Variants in CLEC2D observed in about 807,000 individuals in gnomAD.
The protein encoded by CLEC2D is C-type lectin domain family 2 member D, also known as C-type lectin related f.
A neutral mutation model predicts 20.0 loss-of-function variants in CLEC2D; 16 were observed. The observed-to-expected ratio is 0.80, with a 90% CI of 0.54 to 1.22. CLEC2D has a LOEUF of 1.22. Among genes scored for constraint, CLEC2D ranks in the 50% most tolerant of loss-of-function variants. CLEC2D has a pLI of 0.00. For missense variants in CLEC2D, 207 were observed against 221.5 expected, an observed-to-expected ratio of 0.93 and a Z score of 0.42; for synonymous variants, 77 against 71.1, an observed-to-expected ratio of 1.08 and a Z score of -0.42.
At position 9,693,303 on chromosome 12, in the gene CLEC2D, G is replaced by T. The variant is rs1293307651; in HGVS notation, c.461+372G>T. On this transcript the variant is annotated intron_variant, in intron 4 of 4. Transcript: ENST00000290855. Reference sequence around the variant, plus strand: ...CAGAGGTTTTGATGTATCAGGGAAAGATTATGAGTGACAGCAATTATACCT... The same window carrying T: ...CAGAGGTTTTGATGTATCAGGGAAATATTATGAGTGACAGCAATTATACCT... 18 of 492,514 alleles carry T rather than the reference G, an allele frequency of 3.7e-5. No homozygotes were observed. In the East Asian group the frequency reaches 5.4e-4, roughly 15 times the overall value. The allele number at this position is 492,514 out of a possible 1,614,324, so 30.5% of individuals were successfully genotyped here.
intron 2 of CLEC2D, among the ~76,000 whole-genome samples, chr12:9,687,305 C>T (rs750942138): frequency 6.6e-6 from 1 of 152,332 alleles, no homozygotes; most frequent in East Asian, 1.9e-4. Flanking sequence ...ACCTAGATTC[C>T]TCACATGAGA....
rs752727132 is a variant in CLEC2D, at chr12:9,683,464, T to G, written c.172+2431T>G. Among the ~76,000 whole-genome samples the G allele has an allele frequency of 7.2e-5, 11 of 152,010 alleles. No individual in the cohort carries two copies. The South Asian group carries it at 1.5e-3, about 20-fold the overall frequency. ...CCTTTGCCCATGCCTGTGTCCTGAATGGTATTGCCTAGGTTTTGTTCTCAG... is the reference window on the plus strand; with the variant it reads ...CCTTTGCCCATGCCTGTGTCCTGAAGGGTATTGCCTAGGTTTTGTTCTCAG... On this transcript the variant is annotated intron_variant, in intron 2 of 4. Transcript: ENST00000290855.
rs1002396146 is a variant in CLEC2D, at chr12:9,699,155, C to T, written c.*4281C>T. Reference sequence around the variant, plus strand: ...CTTCCCCCAAAATCACCCACACTTCCCCATCTCCCTCTCCCCTAAGGACAA... The same window carrying T: ...CTTCCCCCAAAATCACCCACACTTCTCCATCTCCCTCTCCCCTAAGGACAA... On this transcript the variant is annotated 3_prime_UTR_variant, in exon 5 of 5. Transcript: ENST00000290855. 2 of 152,152 alleles carry T rather than the reference C, an allele frequency of 1.3e-5. No individual in the cohort carries two copies. Among genetic ancestry groups the T allele is most frequent in the African/African-American group, 2.4e-5 (1 of 41,424 alleles). The allele number at this position is 152,152 out of a possible 1,614,324, so 9.4% of individuals were successfully genotyped here. A position where few individuals can be genotyped will look rare whatever the true frequency, so the allele number is the denominator to read the frequency against.
intron 2 of CLEC2D, among the ~76,000 whole-genome samples, 179 bp from the exon 3 acceptor site, chr12:9,687,723 G>T (rs1865778525): frequency 6.6e-6 from 1 of 152,040 alleles, no homozygotes; most frequent in Non-Finnish European, 1.5e-5. Flanking sequence ...TCTCAGTTTT[G>T]CCATTTGCTG....
chr12:9,676,312 G>A (rs1865519444), intron 1 of CLEC2D, among the ~76,000 whole-genome samples: 1 of 152,110 alleles, frequency 6.6e-6, no homozygotes, highest in African/African-American at 2.4e-5. Flanking sequence ...AGGTGAAGAA[G>A]TTCTTCCCTA....
chr12:9,683,329 GTGTTTGTTTTTT>G (rs1458939453), intron 2 of CLEC2D, among the ~76,000 whole-genome samples: 33 of 83,768 alleles, frequency 3.9e-4, no homozygotes, highest in Admixed American at 7.0e-4. Context: ...TTTGTTTTTT[GTGTTTGTTTTTT>G]TTTTTTTTTT....
intron 2 of CLEC2D, among the ~76,000 whole-genome samples, chr12:9,683,335 G>GTTTTTTTTTTTTTTTTTTTT (rs1357039664): frequency 2.7e-4 from 3 of 11,288 alleles, no homozygotes; most frequent in African/African-American, 4.6e-4. Context: ...TTTTGTGTTT[G>GTTTTTTTTTTTTTTTTTTTT]TTTTTTTTTT....
rs75641466 is a variant in CLEC2D at position 9,686,780 on chromosome 12, A to G, written c.173-1122A>G. Among the ~76,000 whole-genome samples the G allele has an allele frequency of 9.1e-3, 1,389 of 152,316 alleles. 14 individuals carry two copies. The highest frequency in any genetic ancestry group is 0.028 in the African/African-American group (1,179 of 41,562). On this transcript the variant is annotated intron_variant, in intron 2 of 4. Coordinates refer to ENST00000290855, the MANE Select transcript of CLEC2D (RefSeq NM_013269.6). Reference sequence around the variant, plus strand: ...TGAAGAGAGCATTTCTCCTGATTATATAAGAAGTGGGTCAGAAAAGCCTGT... The same window carrying G: ...TGAAGAGAGCATTTCTCCTGATTATGTAAGAAGTGGGTCAGAAAAGCCTGT...
Position 9,687,990 on chromosome 12 carries a change from C to G in CLEC2D, c.261C>G (p.Phe87Leu), listed in dbSNP as rs763780138. ...GGATTGGTTTTCAAAGAAAGTGTTT[C>G]TATTTTTCTGATGACACCAAGAACT... ...ESWIGFQRKC[F>L]YFSDDTKNWT... The change falls in exon 3 of 5, where the codon TTC (phenylalanine) becomes TTG (leucine). Residue 87 changes from phenylalanine to leucine, a missense_variant. Coordinates refer to ENST00000290855, the MANE Select transcript of CLEC2D (RefSeq NM_013269.6). 1.1e-5 allele frequency: 18 copies of G among 1,612,874 alleles called. No individual in the cohort carries two copies. Among genetic ancestry groups the G allele is most frequent in the Non-Finnish European group, 1.4e-5 (17 of 1,179,442 alleles).
intron 1 of CLEC2D, among the ~76,000 whole-genome samples, chr12:9,677,198 T>C (rs1865536102): frequency 6.6e-6 from 1 of 152,170 alleles, no homozygotes; most frequent in South Asian, 2.1e-4. Flanking sequence ...AGGTGTAAAC[T>C]TAGATCATTA....
chr12:9,670,725 T>G (rs1266122268), intron 1 of CLEC2D, among the ~76,000 whole-genome samples: 1 of 152,228 alleles, frequency 6.6e-6, no homozygotes, highest in Non-Finnish European at 1.5e-5. Flanking sequence ...ACTATTGTTT[T>G]AGCAAGCAAT....
intron 3 of CLEC2D, among the ~76,000 whole-genome samples, chr12:9,690,050 C>T (rs2120965948): frequency 6.6e-6 from 1 of 152,096 alleles, no homozygotes; most frequent in Admixed American, 6.5e-5. Context: ...AAGAGATCTA[C>T]ATTGAGACAA....
chr12:9,690,817 A>T (rs10734807), intron 3 of CLEC2D, among the ~76,000 whole-genome samples: 147,278 of 152,064 alleles, frequency 0.97, 71,376 homozygotes, highest in East Asian at 1. Flanking sequence ...ATACAAAAAA[A>T]GTCAGTAACA....
intron 2 of CLEC2D, 92 bp from the exon 3 acceptor site, chr12:9,687,810 A>G (rs1865780058): frequency 9.0e-6 from 6 of 667,038 alleles, no homozygotes; most frequent in Non-Finnish European, 1.4e-5. Flanking sequence ...ACTTAACAGG[A>G]GTGTCAGAAA....
Position 9,697,833 on chromosome 12 carries a change from G to A in CLEC2D, c.*2959G>A, listed in dbSNP as rs1866033702. 1 of 152,170 alleles carries A rather than the reference G, an allele frequency of 6.6e-6. No individual in the cohort carries two copies. Among genetic ancestry groups the A allele is most frequent in the Non-Finnish European group, 1.5e-5 (1 of 68,026 alleles). The allele number at this position is 152,170 out of a possible 1,614,324, so 9.4% of individuals were successfully genotyped here. On this transcript the variant is annotated 3_prime_UTR_variant, in exon 5 of 5. Coordinates refer to ENST00000290855, the MANE Select transcript of CLEC2D (RefSeq NM_013269.6). ...AGTTGCAGTTACAAAGGGTGAGTAT[G>A]TCTAGATATCTAACATACAGTATGA...
intron 3 of CLEC2D, among the ~76,000 whole-genome samples, chr12:9,690,798 AC>A (rs1317274034): frequency 6.6e-6 from 1 of 152,014 alleles, no homozygotes; most frequent in Non-Finnish European, 1.5e-5. Flanking sequence ...ACTATAAAAA[AC>A]CAATTAAATA....
intron 3 of CLEC2D, among the ~76,000 whole-genome samples, chr12:9,691,796 A>T (rs1262240495): frequency 6.6e-6 from 1 of 152,218 alleles, no homozygotes; most frequent in Non-Finnish European, 1.5e-5. Flanking sequence ...TTAACTAAAA[A>T]AGAAGAAAGA....
chr12:9,696,218 G>T lies in CLEC2D; in HGVS notation c.*1344G>T. 1.2e-6 allele frequency: 1 copy of T among 844,690 alleles called. No individual in the cohort carries two copies. The highest frequency in any genetic ancestry group is 2.0e-6 in the Non-Finnish European group (1 of 495,764). The allele number at this position is 844,690 out of a possible 1,614,324, so 52.3% of individuals were successfully genotyped here. On this transcript the variant is annotated 3_prime_UTR_variant, in exon 5 of 5. Coordinates refer to ENST00000290855, the MANE Select transcript of CLEC2D (RefSeq NM_013269.6). ...GCTATTCAAGATCTCTGGCAGTGGA[G>T]GAAGTCTCTTTAAGAAAATAGTTTA...
At chr12:9,686,383 GAA>G (rs1168922607) in intron 2 of CLEC2D, among the ~76,000 whole-genome samples, 4 of 151,900 alleles carry the variant, frequency 2.6e-5, no homozygotes, top group Admixed American at 2.6e-4. Context: ...CAGATTTGGG[GAA>G]AGTCATCCTG....
Sources: allele counts gnomAD v4.1 joint callset (sites outside exome capture counted in the v4.1 genomes callset), GRCh38; gene constraint gnomAD v4.1.1; transcripts MANE v1.5; gene names NCBI Gene and HGNC (gene_info 2026-07-23, HGNC 2026-07-21).